Variants in GRIN2D observed in about 807,000 individuals in gnomAD.
The protein encoded by GRIN2D is glutamate ionotropic receptor NMDA type subunit 2D.
GRIN2D carries 37 observed loss-of-function variants against 103.2 expected under a neutral mutation model. The observed-to-expected ratio is 0.36, with a 90% CI of 0.28 to 0.47. GRIN2D has a LOEUF of 0.47. Among genes scored for constraint, GRIN2D ranks in the 20% least tolerant of loss-of-function variants. The pLI is 1.00. For missense variants in GRIN2D, 1,557 were observed against 1,910.6 expected, an observed-to-expected ratio of 0.81 and a Z score of 3.45; for synonymous variants, 845 against 885.6, an observed-to-expected ratio of 0.95 and a Z score of 0.81.
chr19:48,414,559 C>G lies in GRIN2D; in HGVS notation c.1387C>G (p.Arg463Gly), dbSNP rs1204764292. The G allele has an allele frequency of 2.2e-5, 34 of 1,552,722 alleles. No individual in the cohort carries two copies. The highest frequency in any genetic ancestry group is 3.0e-5 in the Non-Finnish European group (34 of 1,148,556). Residue 463 changes from arginine to glycine, a missense_variant, in exon 6 of 14, where the codon CGG becomes GGG. By Grantham distance (125) the Arg-to-Gly change is moderately radical. Transcript: ENST00000263269. The surrounding 1 kb of genome is among the most constrained non-coding windows in gnomAD (Gnocchi z 4.6). The stretch of plus-strand genomic sequence containing the variant: ...CTGCATCCGAGACTCCGTCCCCTGC[C>G]GGAGCCAGCTCAACCGAACCCACAG... The part of the protein sequence containing the change: ...GTCIRDSVPC[R>G]SQLNRTHSPP...
At chr19:48,423,715 G>T (rs972680413) in intron 11 of GRIN2D, among the ~76,000 whole-genome samples, 4 of 152,122 alleles carry the variant, frequency 2.6e-5, no homozygotes, top group Non-Finnish European at 4.4e-5. Flanking sequence ...ATGAGGGGAG[G>T]ATTCTGGGCA....
At position 48,414,637 on chromosome 19, in the gene GRIN2D, C is replaced by T; in HGVS notation, c.1412+53C>T. On this transcript the variant is annotated intron_variant, in intron 6 of 13. Coordinates refer to ENST00000263269, the MANE Select transcript of GRIN2D (RefSeq NM_000836.4). This position sits in a 1 kb window ranked among gnomAD's most constrained non-coding sequence, Gnocchi z 4.6. ...GCTCCAAAACCCGCCTCCCGTGAAGCCCAGTAGTCTGGGCCCCCAGCCCCC... is the reference window on the plus strand; with the variant it reads ...GCTCCAAAACCCGCCTCCCGTGAAGTCCAGTAGTCTGGGCCCCCAGCCCCC... 1.3e-6 allele frequency: 2 copies of T among 1,494,150 alleles called. No homozygotes were observed. Among genetic ancestry groups the T allele is most frequent in the South Asian group, 2.4e-5 (2 of 82,872 alleles). The allele number at this position is 1,494,150 out of a possible 1,614,324, so 92.6% of individuals were successfully genotyped here.
intron 11 of GRIN2D, among the ~76,000 whole-genome samples, chr19:48,425,544 T>G (rs1971076806): frequency 6.6e-6 from 1 of 152,150 alleles, no homozygotes; most frequent in African/African-American, 2.4e-5. Flanking sequence ...ATCCAGCGGA[T>G]GGCACTTTCC....
chr19:48,428,373 T>A (rs1428253400), intron 11 of GRIN2D, among the ~76,000 whole-genome samples: 4 of 147,182 alleles, frequency 2.7e-5, no homozygotes, highest in East Asian at 2.0e-4. Flanking sequence ...TTTTTTTTTT[T>A]AATTGAGACG....
At chr19:48,423,160 G>A (rs1256584948) in intron 11 of GRIN2D, among the ~76,000 whole-genome samples, 1 of 152,090 alleles carries the variant, frequency 6.6e-6, no homozygotes, top group Non-Finnish European at 1.5e-5. Context: ...GCAGTGAGCC[G>A]AGACTGTGCC....
chr19:48,418,989 T>A (rs1365774194), intron 8 of GRIN2D, among the ~76,000 whole-genome samples: 2 of 151,906 alleles, frequency 1.3e-5, no homozygotes, highest in Non-Finnish European at 1.5e-5. Context: ...TGGGGTCAGA[T>A]CTGGGCTGCA....
intron 11 of GRIN2D, among the ~76,000 whole-genome samples, chr19:48,436,464 C>T (rs1436864750): frequency 6.6e-6 from 1 of 152,134 alleles, no homozygotes; most frequent in African/African-American, 2.4e-5. Flanking sequence ...CAGGAGCAAT[C>T]GGGGGAGCCA....
At position 48,419,230 on chromosome 19, in the gene GRIN2D, C is replaced by G; in HGVS notation, c.1736-4C>G. ...GCCATAACCACGCACTCCCTTGTCC[C>G]CAGAGCCCTACAGCCCCGCCGTGTG... On this transcript the variant is annotated splice_polypyrimidine_tract_variant and splice_region_variant and intron_variant, in intron 8 of 13. Coordinates refer to ENST00000263269, the MANE Select transcript of GRIN2D (RefSeq NM_000836.4). 1 of 1,605,012 alleles carries G rather than the reference C, an allele frequency of 6.2e-7. No homozygotes were observed. The highest frequency in any genetic ancestry group is 8.5e-7 in the Non-Finnish European group (1 of 1,177,956).
Position 48,421,442 on chromosome 19 carries a change from G to C in GRIN2D, c.2092-343G>C, listed in dbSNP as rs1461281915. Among the ~76,000 whole-genome samples the C allele has an allele frequency of 1.3e-5, 2 of 149,110 alleles. No individual in the cohort carries two copies. The highest frequency in any genetic ancestry group is 2.5e-5 in the African/African-American group (1 of 39,998). On this transcript the variant is annotated intron_variant, in intron 10 of 13. Transcript: ENST00000263269. The surrounding 1 kb of genome is among the most constrained non-coding windows in gnomAD (Gnocchi z 4.8). Reference sequence around the variant, plus strand: ...AGACTCCGTTTAAAAAAAAAAAAGTGAACTATTTCTGAACGGATTGGTAAA... The same window carrying C: ...AGACTCCGTTTAAAAAAAAAAAAGTCAACTATTTCTGAACGGATTGGTAAA...
chr19:48,432,799 GC>G (rs1247999268), intron 11 of GRIN2D, among the ~76,000 whole-genome samples: 1 of 142,968 alleles, frequency 7.0e-6, no homozygotes, highest in African/African-American at 2.6e-5. Flanking sequence ...ATTTCATTTT[GC>G]TTTTTTTTGA....
chr19:48,431,829 C>A (rs1391740041), intron 11 of GRIN2D, among the ~76,000 whole-genome samples: 1 of 152,092 alleles, frequency 6.6e-6, no homozygotes, highest in Non-Finnish European at 1.5e-5. Flanking sequence ...AGGTGATCCA[C>A]CCGCCCCAGC....
chr19:48,397,680 C>T (rs1200949392), intron 2 of GRIN2D, among the ~76,000 whole-genome samples: 1 of 151,732 alleles, frequency 6.6e-6, no homozygotes. Flanking sequence ...ATTCCTGTTT[C>T]TGTCACTCCG....
intron 3 of GRIN2D, among the ~76,000 whole-genome samples, chr19:48,400,313 G>A (rs1196589950): frequency 6.6e-6 from 1 of 152,198 alleles, no homozygotes; most frequent in African/African-American, 2.4e-5. Flanking sequence ...CATTCAATCT[G>A]CCCATTCCCT....
chr19:48,429,828 G>C (rs1392392497), intron 11 of GRIN2D, among the ~76,000 whole-genome samples: 1 of 151,890 alleles, frequency 6.6e-6, no homozygotes, highest in African/African-American at 2.4e-5. Context: ...CAAAGCACCA[G>C]GATTACGGGC....
At position 48,443,487 on chromosome 19, in the gene GRIN2D, G is replaced by A; in HGVS notation, c.3561G>A (p.Glu1187=). ...AWHCRHCASL[E]LLPPPRHLSC... is the part of the protein sequence containing the mutation. ...ACTGTCGGCACTGCGCCAGCCTGGA[G>A]CTGCTGCCGCCGCCGCGCCATCTCA... is the stretch of plus-strand genomic sequence containing the variant. The change falls in exon 14 of 14, where the codon GAG becomes GAA. Residue 1187 remains glutamate, a synonymous_variant. Coordinates refer to ENST00000263269, the MANE Select transcript of GRIN2D (RefSeq NM_000836.4). The surrounding 1 kb of genome is among the most constrained non-coding windows in gnomAD (Gnocchi z 8.9). The A allele has an allele frequency of 7.3e-7, 1 of 1,363,116 alleles. No homozygotes were observed. The highest frequency in any genetic ancestry group is 9.4e-7 in the Non-Finnish European group (1 of 1,058,992). 84.4% of individuals were successfully genotyped at this position (1,363,116 alleles called of 1,614,324 possible).
chr19:48,402,166 A>AAGAAAGAAAGAAGGAAAGAAAGAG (rs748167336), intron 3 of GRIN2D, among the ~76,000 whole-genome samples: 9 of 80,032 alleles, frequency 1.1e-4, no homozygotes, highest in African/African-American at 9.0e-5. Flanking sequence ...GAAAGAAAGA[A>AAGAAAGAAAGAAGGAAAGAAAGAG]AGAGAGAAAA....
At chr19:48,437,243 C>T (rs552479955) in intron 11 of GRIN2D, among the ~76,000 whole-genome samples, 2 of 152,238 alleles carry the variant, frequency 1.3e-5, no homozygotes, top group African/African-American at 4.8e-5. Flanking sequence ...ACCTCAGCCT[C>T]CCAAGTAGCT....
chr19:48,420,591 C>T (rs553326852), intron 10 of GRIN2D, among the ~76,000 whole-genome samples: 3 of 152,116 alleles, frequency 2.0e-5, no homozygotes, highest in African/African-American at 2.4e-5. Context: ...TTTGGGAGGC[C>T]GAGGTGGGTG....
rs567071069 is a variant in GRIN2D, at chr19:48,414,740, A to G, written c.1413-124A>G. 7.7e-7 allele frequency: 1 copy of G among 1,305,278 alleles called. No individual in the cohort carries two copies. The highest frequency in any genetic ancestry group is 1.4e-5 in the South Asian group (1 of 73,042). The allele number at this position is 1,305,278 out of a possible 1,614,324, so 80.9% of individuals were successfully genotyped here. On this transcript the variant is annotated intron_variant, in intron 6 of 13. Coordinates refer to ENST00000263269, the MANE Select transcript of GRIN2D (RefSeq NM_000836.4). The surrounding 1 kb of genome is among the most constrained non-coding windows in gnomAD (Gnocchi z 4.6). ...CAAACCTCAGAATTCTTTGAGCCTG[A>G]GTTTCCCCTGAAAGCGCTAACCATA... is the stretch of plus-strand genomic sequence containing the variant.
Sources: gnomAD v4.1 joint callset for allele counts (sites outside exome capture counted in the v4.1 genomes callset) on GRCh38, gnomAD v4.1.1 for gene constraint, Gnocchi (gnomAD v3.1) non-coding constraint, MANE v1.5 for transcripts, NCBI Gene and HGNC (gene_info 2026-07-23, HGNC 2026-07-21) for gene names.